The following STK26 variants were observed in gnomAD, a reference collection of about 807,000 sequenced individuals.
STK26 encodes serine/threonine-protein kinase 26.
STK26 carries 14 observed loss-of-function variants against 34.7 expected under a neutral mutation model. The ratio of observed to expected loss-of-function variants is 0.40; its 90% confidence interval spans 0.27 to 0.63. The LOEUF (loss-of-function observed/expected upper bound fraction) is 0.63. Ranked by LOEUF, STK26 falls within the 30% of genes least tolerant of loss-of-function variation. The probability of loss-of-function intolerance (pLI) is 0.38; values close to 1 mark genes in which losing one functional copy is unlikely to be tolerated. For synonymous variants in STK26, 100 were observed against 109.8 expected, an observed-to-expected ratio of 0.91 and a Z score of 0.56; for missense variants, 226 against 309.1, an observed-to-expected ratio of 0.73 and a Z score of 2.02.
At chrX:132,050,668 C>T (rs1243717030) in intron 2 of STK26, among the ~76,000 whole-genome samples, 1 of 112,008 alleles carries the variant, frequency 8.9e-6, no homozygotes, top group African/African-American at 3.2e-5. Context: ...GAGACATATC[C>T]TTAGAAGAAG....
At chrX:132,041,525 C>G (rs1476602519) in intron 2 of STK26, among the ~76,000 whole-genome samples, 2 of 110,807 alleles carry the variant, frequency 1.8e-5, no homozygotes, top group African/African-American at 6.6e-5. Context: ...ATTTTAATTA[C>G]TTAGAATTGC....
At chrX:132,032,192 A>C (rs1925866176) in intron 2 of STK26, among the ~76,000 whole-genome samples, 1 of 111,287 alleles carries the variant, frequency 9.0e-6, no homozygotes, top group African/African-American at 3.3e-5. Context: ...TCCATTTATC[A>C]TAGCATCGTG....
At chrX:132,072,446 T>C in intron 9 of STK26, 85 bp downstream of exon 9, 1 of 782,520 alleles carries the variant, frequency 1.3e-6, no homozygotes, top group South Asian at 2.4e-5. Context: ...ATTGTTAGGA[T>C]TGAATACCCC....
At chrX:132,073,863 G>T (rs1167173069) in intron 11 of STK26, among the ~76,000 whole-genome samples, 1 of 111,223 alleles carries the variant, frequency 9.0e-6, no homozygotes, top group Non-Finnish European at 1.9e-5. Flanking sequence ...ATCTGATAAG[G>T]CTCACTTGTA....
chrX:132,026,822 A>G (rs2124118828), intron 2 of STK26, among the ~76,000 whole-genome samples: 1 of 112,611 alleles, frequency 8.9e-6, no homozygotes, highest in Admixed American at 9.4e-5. Flanking sequence ...GTATCTTTAA[A>G]TATGACCAAG....
chrX:132,028,666 A>G (rs868108585), intron 2 of STK26, among the ~76,000 whole-genome samples: 8 of 110,373 alleles, frequency 7.2e-5, no homozygotes, highest in Middle Eastern at 9.3e-3. Flanking sequence ...TAAGAAAAGT[A>G]AGGGTTGTAA....
At chrX:132,039,744 A>C (rs1327563291) in intron 2 of STK26, among the ~76,000 whole-genome samples, 1 of 111,819 alleles carries the variant, frequency 8.9e-6, no homozygotes, top group Non-Finnish European at 1.9e-5. Flanking sequence ...GGACAAAAGG[A>C]AAGTTCTTTG....
chrX:132,047,455 G>C (rs1259628295), intron 2 of STK26, among the ~76,000 whole-genome samples: 1 of 111,443 alleles, frequency 9.0e-6, no homozygotes, highest in East Asian at 2.8e-4. Flanking sequence ...TTTGTGGGGG[G>C]TTTTAAATGA....
chrX:132,057,802 T>G (rs999470932), intron 3 of STK26, among the ~76,000 whole-genome samples: 4 of 111,869 alleles, frequency 3.6e-5, no homozygotes, highest in Non-Finnish European at 7.5e-5. Flanking sequence ...TTACACACTG[T>G]ATTAGGTGCT....
chrX:132,026,383 C>T (rs1484218122), intron 2 of STK26, among the ~76,000 whole-genome samples: 1 of 111,746 alleles, frequency 8.9e-6, no homozygotes, highest in East Asian at 2.8e-4. Flanking sequence ...CCACGTTACA[C>T]CAAATGTTGA....
At chrX:132,070,428 T>C (rs1423074186) in intron 7 of STK26, among the ~76,000 whole-genome samples, 1 of 112,529 alleles carries the variant, frequency 8.9e-6, no homozygotes, top group Non-Finnish European at 1.9e-5. Flanking sequence ...TGGTGGATTC[T>C]ATTACAGTTG....
At chrX:132,028,315 T>C (rs973361599) in intron 2 of STK26, among the ~76,000 whole-genome samples, 1 of 111,221 alleles carries the variant, frequency 9.0e-6, no homozygotes, top group African/African-American at 3.3e-5. Context: ...AGTTAAAGAC[T>C]GTGGTGTTTA....
rs776196448 is a variant in STK26 at position 132,072,886 on chromosome X, A to G, written c.1089+11A>G. ...CCTGCATTTGCTGAAGTAAGTACAG[A>G]TTAATTAGCCTTGGATATCTGTGTT... On this transcript the variant is annotated intron_variant, in intron 10 of 11. Transcript: ENST00000394334. The G allele has an allele frequency of 1.2e-5, 14 of 1,209,126 alleles. No homozygotes were observed. The highest frequency in any genetic ancestry group is 1.6e-5 in the Non-Finnish European group (14 of 893,234).
chrX:132,031,140 G>T (rs1259090513), intron 2 of STK26, among the ~76,000 whole-genome samples: 1 of 110,937 alleles, frequency 9.0e-6, no homozygotes, highest in African/African-American at 3.3e-5. Flanking sequence ...GTTTCACCAT[G>T]TTGCCTAGGC....
At chrX:132,037,564 A>T (rs765778144) in intron 2 of STK26, among the ~76,000 whole-genome samples, 2 of 111,176 alleles carry the variant, frequency 1.8e-5, no homozygotes, top group East Asian at 5.6e-4. Flanking sequence ...TAATTTGTTT[A>T]CCTGTTAGTA....
chrX:132,050,996 A>G (rs1430530748), intron 2 of STK26, among the ~76,000 whole-genome samples: 1 of 111,794 alleles, frequency 8.9e-6, no homozygotes, highest in African/African-American at 3.3e-5. Flanking sequence ...GTTTTGGGGT[A>G]AAGCCTAGGT....
chrX:132,045,228 G>A (rs772044525), intron 2 of STK26, among the ~76,000 whole-genome samples: 2 of 110,597 alleles, frequency 1.8e-5, no homozygotes, highest in Admixed American at 9.7e-5. Context: ...GCTTGAATAC[G>A]GTCTACTAGT....
In STK26 at chrX:132,066,337, G is replaced by A. The variant is rs529423809; in HGVS notation, c.331-1878G>A. The stretch of plus-strand genomic sequence containing the variant: ...AAACAATATGCTAACCATAAGAGAG[G>A]GCATAAAATAGCAGACTGCATTAGG... On this transcript the variant is annotated intron_variant, in intron 4 of 11. Coordinates refer to ENST00000394334, the MANE Select transcript of STK26 (RefSeq NM_016542.4). Among the ~76,000 whole-genome samples, 29 of 111,786 alleles carry A rather than the reference G, an allele frequency of 2.6e-4. No homozygotes were observed. In the South Asian group the frequency reaches 0.011, roughly 42 times the overall value.
chrX:132,051,960 G>A (rs1160053644), intron 2 of STK26, among the ~76,000 whole-genome samples: 1 of 110,774 alleles, frequency 9.0e-6, no homozygotes, highest in Non-Finnish European at 1.9e-5. Flanking sequence ...ATTCCATGGT[G>A]TATATGTGCC....
Sources: allele counts gnomAD v4.1 joint callset (sites outside exome capture counted in the v4.1 genomes callset), GRCh38; gene constraint gnomAD v4.1.1; transcripts MANE v1.5; gene names NCBI Gene and HGNC (gene_info 2026-07-23, HGNC 2026-07-21).